The following SNX25 variants were observed in gnomAD, a reference collection of about 807,000 sequenced individuals.
The protein encoded by SNX25 is sorting nexin-25.
A neutral mutation model predicts 113.7 loss-of-function variants in SNX25; 62 were observed. The observed-to-expected ratio is 0.55, with a 90% confidence interval of 0.44 to 0.67. The LOEUF (loss-of-function observed/expected upper bound fraction) is 0.67. SNX25 is among the 30% of genes least tolerant of loss of function. SNX25 has a pLI of 0.00. For synonymous variants in SNX25, 421 were observed against 436.2 expected (o/e 0.97, Z 0.43); for missense variants, 1,014 against 1,161.0 (o/e 0.87, Z 1.84).
At chr4:185,215,194 A>C (rs1015668477) in intron 1 of SNX25, among the ~76,000 whole-genome samples, 1 of 151,800 alleles carries the variant, frequency 6.6e-6, no homozygotes, top group Non-Finnish European at 1.5e-5. Context: ...GTGCCACTGC[A>C]CTCCAGCCTG....
At chr4:185,286,964 TAACATTAAATCTTAG>T (rs1167198926) in intron 5 of SNX25, among the ~76,000 whole-genome samples, 1 of 152,240 alleles carries the variant, frequency 6.6e-6, no homozygotes, top group Non-Finnish European at 1.5e-5. Context: ...CCAGCAGATG[TAACATTAAATCTTAG>T]AACACTGCAC....
chr4:185,215,301 A>G (rs1560893346), intron 1 of SNX25, among the ~76,000 whole-genome samples: 1 of 151,992 alleles, frequency 6.6e-6, no homozygotes. Flanking sequence ...TAGGATTCCA[A>G]GATGCACAAG....
chr4:185,340,690 A>T (rs1265138285), intron 11 of SNX25, among the ~76,000 whole-genome samples: 1 of 151,930 alleles, frequency 6.6e-6, no homozygotes, highest in African/African-American at 2.4e-5. Flanking sequence ...GCTGGCCCTG[A>T]CACTTCACAG....
At chr4:185,273,150 A>C (rs927624627) in intron 5 of SNX25, among the ~76,000 whole-genome samples, 19 of 152,250 alleles carry the variant, frequency 1.2e-4, no homozygotes, top group Non-Finnish European at 1.2e-4. Flanking sequence ...GTTAGGATCC[A>C]GTTCAGCTGA....
chr4:185,323,923 A>C lies in SNX25; in HGVS notation c.1749+123A>C. On this transcript the variant is annotated intron_variant, in intron 9 of 18. Coordinates refer to ENST00000652585, the MANE Select transcript of SNX25 (RefSeq NM_001378034.2). ...TCATCTTTTAATATACAGGACCTTA[A>C]ATAGAATAAAAGTAGCATCGTTTAA... The C allele has an allele frequency of 5.1e-6, 5 of 988,188 alleles. No individual in the cohort carries two copies. In the South Asian group the frequency reaches 7.8e-5, roughly 15 times the overall value. 61.2% of individuals were successfully genotyped at this position (988,188 alleles called of 1,614,324 possible).
chr4:185,378,540 C>T, the SNX25 span: 10 of 1,038,916 alleles, frequency 9.6e-6, no homozygotes, highest in Non-Finnish European at 1.2e-5. Flanking sequence ...GACCTGGTGA[C>T]ACTGCCCACA....
chr4:185,271,518 G>T (rs564742017), intron 5 of SNX25, among the ~76,000 whole-genome samples: 1 of 152,302 alleles, frequency 6.6e-6, no homozygotes, highest in Non-Finnish European at 1.5e-5. Context: ...CAAAGTGCTG[G>T]AATTACAGGT....
the SNX25 span, chr4:185,375,496 A>ATG: frequency 1.4e-5 from 1 of 69,074 alleles, no homozygotes; most frequent in South Asian, 6.0e-4. Flanking sequence ...AAATATATAT[A>ATG]TATATATATA....
chr4:185,324,099 T>TA (rs1471438559), intron 9 of SNX25, among the ~76,000 whole-genome samples: 3 of 152,186 alleles, frequency 2.0e-5, no homozygotes, highest in Non-Finnish European at 4.4e-5. Flanking sequence ...CTGTTTTAGA[T>TA]ACACCTCTGG....
chr4:185,209,560 G>A (rs1048119046), upstream of SNX25: 1 of 226,946 alleles, frequency 4.4e-6, no homozygotes, highest in Non-Finnish European at 7.3e-6. This position sits in a 1 kb window ranked among gnomAD's most constrained non-coding sequence, Gnocchi z 5.2. Flanking sequence ...GCACTTCAGG[G>A]CGGCCCCGCC....
In SNX25 at chr4:185,310,699, C is replaced by G; in HGVS notation, c.1227C>G (p.Asn409Lys). ...CCAGGAACATGAAGAGGTACATCAA[C>G]CAACTGACTGTGGCAAAGAAGCAGT... ...LRARNMKRYI[N>K]QLTVAKKQCE... Residue 409 changes from asparagine to lysine, a missense_variant, in exon 7 of 19, where the codon AAC (asparagine) becomes AAG (lysine). Coordinates refer to ENST00000652585, the MANE Select transcript of SNX25 (RefSeq NM_001378034.2). 6.2e-7 allele frequency: 1 copy of G among 1,614,042 alleles called. No homozygotes were observed. The highest frequency in any genetic ancestry group is 8.5e-7 in the Non-Finnish European group (1 of 1,179,990).
chr4:185,341,183 G>C (rs192329864), intron 11 of SNX25, among the ~76,000 whole-genome samples: 1 of 152,344 alleles, frequency 6.6e-6, no homozygotes, highest in African/African-American at 2.4e-5. Context: ...AAGTATAGTA[G>C]TGGCCTATTC....
chr4:185,361,259 A>T (rs1235651827), intron 16 of SNX25, among the ~76,000 whole-genome samples: 1 of 152,158 alleles, frequency 6.6e-6, no homozygotes, highest in African/African-American at 2.4e-5. Flanking sequence ...TTTCCAGACC[A>T]CTTCCAACAG....
the SNX25 span, chr4:185,375,571 G>A: frequency 1.1e-6 from 1 of 951,674 alleles, no homozygotes; most frequent in Non-Finnish European, 1.5e-6. Flanking sequence ...ATAATCCACT[G>A]ACAATGAAAT....
At position 185,323,684 on chromosome 4, in the gene SNX25, G is replaced by A. The variant is rs1266487878; in HGVS notation, c.1633G>A (p.Glu545Lys). The A allele has an allele frequency of 6.2e-7, 1 of 1,613,774 alleles. No homozygotes were observed. Among genetic ancestry groups the A allele is most frequent in the Non-Finnish European group, 8.5e-7 (1 of 1,179,820 alleles). The change falls in exon 9 of 19, where the codon GAG (glutamate) becomes AAG (lysine). Residue 545 changes from glutamate to lysine, a missense_variant. By Grantham distance (56) the Glu-to-Lys change is moderately conservative. Coordinates refer to ENST00000652585, the MANE Select transcript of SNX25 (RefSeq NM_001378034.2). ...CTACAAAATCCAGGAAGATGTTTAT[G>A]AGACCCTAAAGGATAGGTATTACCC... ...VFYKIQEDVY[E>K]TLKDRYYPSF...
intron 10 of SNX25, among the ~76,000 whole-genome samples, chr4:185,338,365 CCCTG>C (rs1561029491): frequency 6.6e-6 from 1 of 151,372 alleles, no homozygotes; most frequent in Non-Finnish European, 1.5e-5. Context: ...AACCTCCAAC[CCCTG>C]AGTTCAAGCG....
chr4:185,355,581 CTAAGA>C (rs531183925), intron 15 of SNX25, among the ~76,000 whole-genome samples: 63 of 152,196 alleles, frequency 4.1e-4, no homozygotes, highest in African/African-American at 1.4e-3. Context: ...AAAGTTGGAA[CTAAGA>C]TAAATTTTAG....
At chr4:185,303,919 G>A (rs895542907) in intron 6 of SNX25, among the ~76,000 whole-genome samples, 4 of 152,156 alleles carry the variant, frequency 2.6e-5, no homozygotes, top group African/African-American at 9.7e-5. Context: ...ACCAGCCTCA[G>A]GTTGAAAAGT....
intron 6 of SNX25, among the ~76,000 whole-genome samples, chr4:185,288,614 G>C (rs73873421): frequency 2.2e-5 from 3 of 134,990 alleles, no homozygotes; most frequent in East Asian, 2.2e-4. Context: ...GTTGGGGGGT[G>C]GGGGGGTGGT....
Sources: gnomAD v4.1 joint callset for allele counts (sites outside exome capture counted in the v4.1 genomes callset) on GRCh38, gnomAD v4.1.1 for gene constraint, Gnocchi (gnomAD v3.1) non-coding constraint, MANE v1.5 for transcripts, NCBI Gene and HGNC (gene_info 2026-07-23, HGNC 2026-07-21) for gene names.